Variants in SYNE1 observed in about 807,000 individuals in gnomAD.
The protein encoded by SYNE1 is nesprin-1.
In SYNE1, 616 loss-of-function variants were observed where a neutral mutation model predicts 1,111.0. That is an observed-to-expected ratio of 0.55 (90% CI 0.52 to 0.59). The LOEUF (loss-of-function observed/expected upper bound fraction) is 0.59. Ranked by LOEUF, SYNE1 falls within the 20% of genes least tolerant of loss-of-function variation. The probability of loss-of-function intolerance (pLI) is 0.00; values close to 1 mark genes in which losing one functional copy is unlikely to be tolerated. For missense variants in SYNE1, 10,006 were observed against 10,417.0 expected (o/e 0.96, Z 1.72); for synonymous variants, 3,855 against 3,825.8 (o/e 1.01, Z -0.28).
At chr6:152,352,487 C>T in intron 69 of SYNE1, 134 bp from the exon 70 acceptor site, 2 of 906,030 alleles carry the variant, frequency 2.2e-6, no homozygotes, top group Non-Finnish European at 3.3e-6. Context: ...ACTGCAACTT[C>T]CGCCTCCTGG....
intron 105 of SYNE1, among the ~76,000 whole-genome samples, chr6:152,248,531 C>A (rs2088114837): frequency 1.3e-5 from 2 of 151,670 alleles, no homozygotes; most frequent in Admixed American, 6.6e-5. Flanking sequence ...GAATAAAGTC[C>A]AAAGTCACAC....
chr6:152,461,693 A>G lies in SYNE1; in HGVS notation c.2298T>C (p.Ile766=). The stretch of plus-strand genomic sequence containing the variant: ...TGGTAATGAGGTGTGCTGTCTTTGT[A>G]ATTATCTTGTATTGGGCATCCATCA... ...VPVMDAQYKI[I]TKTAHLITKE... The change falls in exon 21 of 146, where the codon ATT becomes ATC. Residue 766 remains isoleucine, a synonymous_variant. Transcript: ENST00000367255. 2 of 1,613,938 alleles carry G rather than the reference A, an allele frequency of 1.2e-6. No individual in the cohort carries two copies. Among genetic ancestry groups the G allele is most frequent in the Non-Finnish European group, 1.7e-6 (2 of 1,179,944 alleles).
At position 152,269,914 on chromosome 6, in the gene SYNE1, C is replaced by T. The variant is rs192639899; in HGVS notation, c.18574-628G>A. ...AGTTCATATGGGAGAAAATGTACTG[C>T]AGCATAGAGGCAAGGAGTCTAAACA... On this transcript the variant is annotated intron_variant, in intron 98 of 145. Coordinates refer to ENST00000367255, the MANE Select transcript of SYNE1 (RefSeq NM_182961.4). 7.4e-3 allele frequency among the ~76,000 whole-genome samples: 1,128 copies of T among 152,238 alleles called. 14 individuals carry two copies. The highest frequency in any genetic ancestry group is 0.025 in the African/African-American group (1,047 of 41,532).
intron 5 of SYNE1, among the ~76,000 whole-genome samples, chr6:152,523,203 T>C (rs543740013): frequency 6.6e-6 from 1 of 152,254 alleles, no homozygotes; most frequent in South Asian, 2.1e-4. Context: ...GATTTAAGTA[T>C]TTGAGCCATC....
At chr6:152,403,128 A>C (rs531306950) in intron 46 of SYNE1, among the ~76,000 whole-genome samples, 80 of 152,310 alleles carry the variant, frequency 5.3e-4, no homozygotes, top group African/African-American at 1.8e-3. Flanking sequence ...AATGTAGAGA[A>C]AATCAACAGA....
At chr6:152,297,520 G>A (rs1334653241) in intron 93 of SYNE1, among the ~76,000 whole-genome samples, 1 of 152,110 alleles carries the variant, frequency 6.6e-6, no homozygotes, top group African/African-American at 2.4e-5. Context: ...TCTTCATCCT[G>A]AGCACATTGT....
At chr6:152,313,076 C>A (rs2095602130) in intron 87 of SYNE1, among the ~76,000 whole-genome samples, 1 of 152,120 alleles carries the variant, frequency 6.6e-6, no homozygotes, top group Non-Finnish European at 1.5e-5. Context: ...ATATATAAGA[C>A]AACAAAGCAA....
At chr6:152,464,741 C>G (rs997549387) in intron 18 of SYNE1, 1 of 165,054 alleles carries the variant, frequency 6.1e-6, no homozygotes, top group Non-Finnish European at 1.3e-5. Flanking sequence ...AACAGTAACT[C>G]TCACAGGCAC....
At chr6:152,582,225 T>C (rs930559779) in intron 3 of SYNE1, among the ~76,000 whole-genome samples, 39 of 152,136 alleles carry the variant, frequency 2.6e-4, no homozygotes, top group African/African-American at 9.4e-4. Flanking sequence ...TGGCAGCTGG[T>C]AAAAATTCTC....
intron 3 of SYNE1, among the ~76,000 whole-genome samples, chr6:152,569,526 A>G (rs1372411493): frequency 6.6e-6 from 1 of 152,200 alleles, no homozygotes; most frequent in Non-Finnish European, 1.5e-5. Context: ...AAAAGACCAT[A>G]TTTTAAAGAT....
At chr6:152,466,113 A>C in intron 16 of SYNE1, 35 bp from the exon 17 acceptor site, 2 of 1,373,176 alleles carry the variant, frequency 1.5e-6, no homozygotes, top group Non-Finnish European at 2.1e-6. Flanking sequence ...GATAGCAAAC[A>C]TTAGGCTCAT....
At chr6:152,157,610 C>G (rs577416229) in intron 131 of SYNE1, among the ~76,000 whole-genome samples, 1 of 152,130 alleles carries the variant, frequency 6.6e-6, no homozygotes, top group Non-Finnish European at 1.5e-5. Context: ...CCAGAGGTGA[C>G]GGACACCCCA....
At chr6:152,176,658 T>A (rs2066519294) in intron 129 of SYNE1, 98 bp from the exon 130 acceptor site, 1 of 1,231,960 alleles carries the variant, frequency 8.1e-7, no homozygotes, top group Non-Finnish European at 1.2e-6. Flanking sequence ...TTTCTACTGC[T>A]TGGAAGTAGT....
At chr6:152,614,617 G>C (rs1409153957) in intron 3 of SYNE1, among the ~76,000 whole-genome samples, 1 of 152,168 alleles carries the variant, frequency 6.6e-6, no homozygotes, top group African/African-American at 2.4e-5. Context: ...ATTTGACCCA[G>C]CAATTCCATT....
intron 56 of SYNE1, chr6:152,380,577 C>T (rs1004289716): frequency 4.2e-6 from 1 of 240,550 alleles, no homozygotes; most frequent in Admixed American, 5.2e-5. Flanking sequence ...ATTTGCTGTG[C>T]TGTAGGAGAT....
chr6:152,608,160 A>T (rs1472379432), intron 3 of SYNE1, among the ~76,000 whole-genome samples: 1 of 151,510 alleles, frequency 6.6e-6, no homozygotes, highest in Non-Finnish European at 1.5e-5. Context: ...TAAAATAAAT[A>T]AATAAAAATA....
At chr6:152,241,740 A>G (rs1345667469) in intron 107 of SYNE1, among the ~76,000 whole-genome samples, 1 of 152,092 alleles carries the variant, frequency 6.6e-6, no homozygotes, top group Non-Finnish European at 1.5e-5. Flanking sequence ...CACCAACCCA[A>G]CCCTGGATCT....
intron 97 of SYNE1, among the ~76,000 whole-genome samples, chr6:152,280,152 C>T (rs999781636): frequency 3.3e-5 from 5 of 151,994 alleles, no homozygotes; most frequent in Non-Finnish European, 2.9e-5. Flanking sequence ...TAATAGTCAC[C>T]GTTATAATTA....
rs1563754171 is a variant in SYNE1 at position 152,404,293 on chromosome 6, A to G, written c.6745T>C (p.Leu2249=). 2 of 1,612,430 alleles carry G rather than the reference A, an allele frequency of 1.2e-6. No individual in the cohort carries two copies. The highest frequency in any genetic ancestry group is 1.7e-6 in the Non-Finnish European group (2 of 1,179,548). ...EFESEVKNKA[L]RLEELHSKVN... ...TTGGAATGCAGTTCTTCCAATCTCA[A>G]TGCTTTGTTTTTAACTTCAGACTGC... The change falls in exon 46 of 146, where the codon TTG becomes CTG. Residue 2249 remains leucine (L), a synonymous_variant. Coordinates refer to ENST00000367255, the MANE Select transcript of SYNE1 (RefSeq NM_182961.4).
Sources: allele counts gnomAD v4.1 joint callset (sites outside exome capture counted in the v4.1 genomes callset), GRCh38; gene constraint gnomAD v4.1.1; transcripts MANE v1.5; gene names NCBI Gene and HGNC (gene_info 2026-07-23, HGNC 2026-07-21).